PLCB1: variants seen among roughly 807,000 people sequenced by gnomAD.
PLCB1 encodes 1-phosphatidylinositol 4,5-bisphosphate phosphodiesterase beta-1.
Under a neutral mutation model 161.8 loss-of-function variants are expected in PLCB1, and 46 were observed. That is an observed-to-expected ratio of 0.28 (90% CI 0.22 to 0.36). The LOEUF is 0.36. PLCB1 is among the 10% of genes least tolerant of loss of function. The pLI is 1.00. For synonymous variants in PLCB1, 517 were observed against 503.7 expected (o/e 1.03, Z -0.35); for missense variants, 1,016 against 1,472.5 (o/e 0.69, Z 5.07).
chr20:8,231,001 A>G (rs1240960169), intron 2 of PLCB1, among the ~76,000 whole-genome samples: 1 of 151,752 alleles, frequency 6.6e-6, no homozygotes, highest in Non-Finnish European at 1.5e-5. Flanking sequence ...CTTGACCACT[A>G]TTTTTCCATT....
chr20:8,712,060 T>G (rs1979046029), intron 12 of PLCB1, among the ~76,000 whole-genome samples: 1 of 152,152 alleles, frequency 6.6e-6, no homozygotes, highest in South Asian at 2.1e-4. Flanking sequence ...CCCAGCACTT[T>G]GGGAGGCCGA....
intron 3 of PLCB1, among the ~76,000 whole-genome samples, chr20:8,396,211 G>A (rs1987764465): frequency 1.3e-5 from 2 of 152,072 alleles, no homozygotes; most frequent in Non-Finnish European, 1.5e-5. Context: ...GGAGCTGAAA[G>A]TTCAGAAGTA....
intron 12 of PLCB1, among the ~76,000 whole-genome samples, chr20:8,712,733 T>C (rs933351348): frequency 8.6e-5 from 13 of 152,030 alleles, no homozygotes; most frequent in Admixed American, 8.5e-4. Flanking sequence ...TAGTTCAAAC[T>C]GGAGGATTTG....
intron 31 of PLCB1, among the ~76,000 whole-genome samples, chr20:8,880,726 A>G (rs534314232): frequency 3.3e-5 from 5 of 152,070 alleles, no homozygotes; most frequent in Admixed American, 6.5e-5. Flanking sequence ...AGCCAGGTTC[A>G]TGGCTGACCT....
chr20:8,484,980 A>C (rs183231184), intron 3 of PLCB1, among the ~76,000 whole-genome samples: 1 of 152,344 alleles, frequency 6.6e-6, no homozygotes, highest in Non-Finnish European at 1.5e-5. Context: ...GAAGCTTTCT[A>C]GAACTCAAAA....
intron 27 of PLCB1, among the ~76,000 whole-genome samples, chr20:8,782,665 G>T (rs1476218698): frequency 6.6e-6 from 1 of 152,128 alleles, no homozygotes; most frequent in East Asian, 1.9e-4. Context: ...CAAATTGTTG[G>T]TGATGTGCTT....
intron 3 of PLCB1, among the ~76,000 whole-genome samples, chr20:8,513,262 A>G (rs6055869): frequency 0.01 from 1,525 of 152,304 alleles, 25 homozygotes; most frequent in African/African-American, 0.035. Flanking sequence ...GAGGCCACAC[A>G]GGGATATAGA....
At chr20:8,313,845 C>T (rs1275431079) in intron 2 of PLCB1, among the ~76,000 whole-genome samples, 2 of 152,140 alleles carry the variant, frequency 1.3e-5, no homozygotes, top group East Asian at 3.9e-4. Flanking sequence ...TTTATACTTT[C>T]CTGGAAGCCT....
rs565857264 is a variant in PLCB1, at chr20:8,774,825, C to T, written c.3111+106C>T. ...AGGAGACAAGGGTGGGTGTGACTGGCACCAACTTGAGAGATTGTTTAGGTG... is the reference window on the plus strand; with the variant it reads ...AGGAGACAAGGGTGGGTGTGACTGGTACCAACTTGAGAGATTGTTTAGGTG... On this transcript the variant is annotated intron_variant, in intron 27 of 31. Coordinates refer to ENST00000338037, the MANE Select transcript of PLCB1 (RefSeq NM_015192.4). The T allele has an allele frequency of 6.1e-6, 5 of 814,020 alleles. No individual in the cohort carries two copies. The African/African-American group carries it at 8.6e-5, about 14-fold the overall frequency. The allele number at this position is 814,020 out of a possible 1,614,324, so 50.4% of individuals were successfully genotyped here.
chr20:8,585,522 C>A (rs1214142867), intron 3 of PLCB1, among the ~76,000 whole-genome samples: 3 of 152,256 alleles, frequency 2.0e-5, no homozygotes, highest in South Asian at 2.1e-4. Flanking sequence ...TACTAAACAG[C>A]TTCCAGTTCC....
chr20:8,732,418 C>T (rs1980302118), intron 18 of PLCB1, among the ~76,000 whole-genome samples: 1 of 151,540 alleles, frequency 6.6e-6, no homozygotes, highest in Non-Finnish European at 1.5e-5. Flanking sequence ...CTGATCATGG[C>T]TTCAAAGATT....
chr20:8,836,304 T>C (rs748357679), intron 31 of PLCB1, among the ~76,000 whole-genome samples: 2 of 152,232 alleles, frequency 1.3e-5, no homozygotes, highest in Non-Finnish European at 2.9e-5. Flanking sequence ...TTTTTCAATC[T>C]ATACATAATA....
At chr20:8,879,228 G>A (rs1422220053) in intron 31 of PLCB1, among the ~76,000 whole-genome samples, 1 of 150,914 alleles carries the variant, frequency 6.6e-6, no homozygotes, top group East Asian at 1.9e-4. Flanking sequence ...TAGGTTGATT[G>A]AATGTCTTTG....
intron 12 of PLCB1, among the ~76,000 whole-genome samples, chr20:8,712,568 C>T (rs1979078841): frequency 6.6e-6 from 1 of 152,216 alleles, no homozygotes; most frequent in African/African-American, 2.4e-5. Flanking sequence ...TGACATCCTA[C>T]TTGTGAACTA....
intron 31 of PLCB1, among the ~76,000 whole-genome samples, chr20:8,874,869 T>C (rs1987724388): frequency 6.6e-6 from 1 of 151,978 alleles, no homozygotes. Flanking sequence ...TTCCCAAAAA[T>C]GGAGTTGCTG....
chr20:8,342,867 A>G (rs1474023979), intron 2 of PLCB1, among the ~76,000 whole-genome samples: 2 of 152,210 alleles, frequency 1.3e-5, no homozygotes, highest in South Asian at 2.1e-4. Flanking sequence ...AGAAAGGTCA[A>G]TAGGTAGCCC....
chr20:8,169,292 C>A (rs2051708045), intron 2 of PLCB1, among the ~76,000 whole-genome samples: 1 of 152,084 alleles, frequency 6.6e-6, no homozygotes, highest in Non-Finnish European at 1.5e-5. Flanking sequence ...CTCTGAAATC[C>A]AACTCCCAGG....
chr20:8,789,664 C>T lies in PLCB1; in HGVS notation c.3336+89C>T, dbSNP rs937311117. 2.0e-5 allele frequency: 20 copies of T among 998,296 alleles called. No individual in the cohort carries two copies. In the Middle Eastern group the frequency reaches 6.2e-4, roughly 31 times the overall value. The allele number at this position is 998,296 out of a possible 1,614,324, so 61.8% of individuals were successfully genotyped here. A position where few individuals can be genotyped will look rare whatever the true frequency, so the allele number is the denominator to read the frequency against. Reference sequence around the variant, plus strand: ...TGAGCTTCTGGAAGGAAATGTCATGCCTTGCCATAACTTTTTATCACTAGC... The same window carrying T: ...TGAGCTTCTGGAAGGAAATGTCATGTCTTGCCATAACTTTTTATCACTAGC... On this transcript the variant is annotated intron_variant, in intron 30 of 31. Transcript: ENST00000338037.
intron 3 of PLCB1, among the ~76,000 whole-genome samples, chr20:8,521,133 T>C (rs1406222807): frequency 6.6e-6 from 1 of 152,234 alleles, no homozygotes; most frequent in Non-Finnish European, 1.5e-5. Flanking sequence ...TTATTGAGGC[T>C]GTTCCCTTAA....
Sources: allele counts gnomAD v4.1 joint callset (sites outside exome capture counted in the v4.1 genomes callset), GRCh38; gene constraint gnomAD v4.1.1; transcripts MANE v1.5; gene names NCBI Gene and HGNC (gene_info 2026-07-23, HGNC 2026-07-21).